ACAD9: variants seen among roughly 807,000 people sequenced by gnomAD.
ACAD9 encodes the protein acyl-CoA dehydrogenase family member 9.
A neutral mutation model predicts 70.2 loss-of-function variants in ACAD9; 53 were observed. The observed-to-expected ratio is 0.75, with a 90% CI of 0.61 to 0.95. The LOEUF (loss-of-function observed/expected upper bound fraction) is 0.95. Ranked by LOEUF, ACAD9 falls within the 40% of genes least tolerant of loss-of-function variation. The pLI is 0.00. For synonymous variants in ACAD9, 313 were observed against 312.1 expected (o/e 1.00, Z -0.03); for missense variants, 777 against 802.8 (o/e 0.97, Z 0.39).
chr3:128,898,557 C>A, intron 6 of ACAD9: 1 of 351,806 alleles, frequency 2.8e-6, no homozygotes, highest in South Asian at 2.1e-5. Context: ...AGGCACACAG[C>A]TAACTCTTTG....
At chr3:128,908,840 G>C in intron 13 of ACAD9, 133 bp from the exon 14 acceptor site, 1 of 1,445,560 alleles carries the variant, frequency 6.9e-7, no homozygotes, top group Non-Finnish European at 9.5e-7. Flanking sequence ...GGGGGGTTCA[G>C]GCTGTAGCCA....
intron 2 of ACAD9, among the ~76,000 whole-genome samples, chr3:128,885,142 T>C (rs1935209053): frequency 6.6e-6 from 1 of 152,230 alleles, no homozygotes; most frequent in African/African-American, 2.4e-5. Context: ...TCAATTTCTG[T>C]ACTTTGGTAA....
At chr3:128,898,911 ATGT>A (rs1348319909) in intron 6 of ACAD9, among the ~76,000 whole-genome samples, 1 of 152,206 alleles carries the variant, frequency 6.6e-6, no homozygotes, top group East Asian at 1.9e-4. Context: ...TAACAAATAA[ATGT>A]TGTGTGTATT....
intron 2 of ACAD9, 50 bp downstream of exon 2, chr3:128,884,796 T>G: frequency 7.5e-7 from 1 of 1,334,244 alleles, no homozygotes; most frequent in African/African-American, 1.4e-5. Context: ...AAGGGCTATT[T>G]GGTTGATATT....
At chr3:128,906,975 A>T (rs1291321139) in intron 12 of ACAD9, among the ~76,000 whole-genome samples, 1 of 152,176 alleles carries the variant, frequency 6.6e-6, no homozygotes, top group African/African-American at 2.4e-5. Flanking sequence ...AGTGCTGGAC[A>T]TGTGGACGGG....
At chr3:128,911,892 T>A (rs1047209683) in intron 17 of ACAD9, among the ~76,000 whole-genome samples, 1 of 152,220 alleles carries the variant, frequency 6.6e-6, no homozygotes, top group Admixed American at 6.5e-5. Context: ...GTCTCAGGCC[T>A]TGGCCTAGAG....
Position 128,912,577 on chromosome 3 carries a change from C to G in ACAD9, c.1836C>G (p.Ile612Met), listed in dbSNP as rs775803919. The G allele has an allele frequency of 3.1e-6, 5 of 1,614,208 alleles. No individual in the cohort carries two copies. The South Asian group carries it at 5.5e-5, about 18-fold the overall frequency. ...SQQILEKRAYICAHPLDRTC is the reference protein window; with the variant it reads ...SQQILEKRAYMCAHPLDRTC ...AGATCCTTGAGAAGCGAGCCTATAT[C>G]TGTGCCCACCCTCTGGACAGGACAT... is the stretch of plus-strand genomic sequence containing the variant. The change falls in exon 18 of 18, where the codon ATC becomes ATG. Residue 612 changes from isoleucine (I) to methionine (M), a missense_variant. Ile to Met is a conservative substitution (Grantham distance 10). Transcript: ENST00000308982.
intron 2 of ACAD9, among the ~76,000 whole-genome samples, chr3:128,888,630 C>T (rs956461659): frequency 2.0e-5 from 3 of 152,144 alleles, no homozygotes; most frequent in African/African-American, 7.2e-5. Context: ...AGAAGCAGCT[C>T]AGGTCCCCCA....
At chr3:128,881,288 G>A (rs1935084492) in intron 1 of ACAD9, among the ~76,000 whole-genome samples, 1 of 152,186 alleles carries the variant, frequency 6.6e-6, no homozygotes, top group Non-Finnish European at 1.5e-5. Flanking sequence ...TTTCAGATCT[G>A]TTTCCATCTT....
intron 1 of ACAD9, chr3:128,880,103 C>T (rs1935043417): frequency 7.7e-7 from 1 of 1,300,412 alleles, no homozygotes; most frequent in East Asian, 2.8e-5. Context: ...TCGGAAAACT[C>T]TAGGCTAGGT....
At chr3:128,887,644 AATATAT>A (rs71153150) in intron 2 of ACAD9, among the ~76,000 whole-genome samples, 3 of 133,108 alleles carry the variant, frequency 2.3e-5, no homozygotes, top group African/African-American at 5.8e-5. Context: ...AAAATAAATA[AATATAT>A]ATATATATAT....
In ACAD9 at chr3:128,909,361, TGAG is replaced by T. The variant is rs765384159; in HGVS notation, c.1507_1509del (p.Glu503del). Reference sequence around the variant, plus strand: ...GTTAATAGGACAGTGCCAACAAGTTTGAGGAGAACACCTACTGCTTCGGCCGGA... The same window carrying T: ...GTTAATAGGACAGTGCCAACAAGTTTGAGAACACCTACTGCTTCGGCCGGA... On this transcript the variant is annotated inframe_deletion, in exon 15 of 18. Coordinates refer to ENST00000308982, the MANE Select transcript of ACAD9 (RefSeq NM_014049.5). 6 of 1,614,044 alleles carry T rather than the reference TGAG, an allele frequency of 3.7e-6. No individual in the cohort carries two copies. Among genetic ancestry groups the T allele is most frequent in the African/African-American group, 1.3e-5 (1 of 74,916 alleles).
chr3:128,893,926 A>AG (rs1935494761), intron 3 of ACAD9, among the ~76,000 whole-genome samples: 1 of 152,190 alleles, frequency 6.6e-6, no homozygotes. Context: ...ACCTTTGAGC[A>AG]GGGTCCTTTG....
At chr3:128,899,171 C>T (rs1281006997) in intron 6 of ACAD9, 116 bp from the exon 7 acceptor site, 4 of 1,069,450 alleles carry the variant, frequency 3.7e-6, no homozygotes, top group Non-Finnish European at 4.3e-6. Flanking sequence ...GAGCCAAGGA[C>T]CCTGCATGTC....
Position 128,884,671 on chromosome 3 carries a change from C to G in ACAD9, c.169C>G (p.Pro57Ala), listed in dbSNP as rs1277485905. 3.1e-6 allele frequency: 5 copies of G among 1,611,590 alleles called. No homozygotes were observed. Among genetic ancestry groups the G allele is most frequent in the South Asian group, 2.2e-5 (2 of 90,424 alleles). Residue 57 changes from proline to alanine, a missense_variant, in exon 2 of 18, where the codon CCA (proline) becomes GCA (alanine). By Grantham distance (27) the Pro-to-Ala change is conservative (BLOSUM62 -1). Coordinates refer to ENST00000308982, the MANE Select transcript of ACAD9 (RefSeq NM_014049.5). The part of the protein sequence containing the change: ...KIKKKEVFPF[P>A]EVSQDELNEI... ...TTTTTAGAAAGAAGTTTTCCCATTT[C>G]CAGAAGTTAGCCAAGATGAACTTAA...
chr3:128,907,702 T>C (rs75015522), intron 12 of ACAD9, among the ~76,000 whole-genome samples: 2,292 of 152,270 alleles, frequency 0.015, 59 homozygotes, highest in African/African-American at 0.052. Context: ...CTGATCAGAA[T>C]CATGGGTTGG....
intron 1 of ACAD9, among the ~76,000 whole-genome samples, chr3:128,883,809 G>T (rs1411153529): frequency 6.6e-6 from 1 of 152,164 alleles, no homozygotes; most frequent in Non-Finnish European, 1.5e-5. Flanking sequence ...CGAGCATATT[G>T]ATAGAGTAGA....
chr3:128,895,483 G>A, intron 4 of ACAD9, 67 bp downstream of exon 4: 1 of 1,433,026 alleles, frequency 7.0e-7, no homozygotes, highest in South Asian at 1.2e-5. Flanking sequence ...GAGGCATAGA[G>A]GCCAGAGGCT....
At chr3:128,884,953 G>A (rs936006935) in intron 2 of ACAD9, among the ~76,000 whole-genome samples, 1 of 152,164 alleles carries the variant, frequency 6.6e-6, no homozygotes, top group Non-Finnish European at 1.5e-5. Flanking sequence ...TGGTTCAGGA[G>A]CACTTTAAAC....
Sources: allele counts gnomAD v4.1 joint callset (sites outside exome capture counted in the v4.1 genomes callset), GRCh38; gene constraint gnomAD v4.1.1; transcripts MANE v1.5; gene names NCBI Gene and HGNC (gene_info 2026-07-23, HGNC 2026-07-21).